The following DLG2 variants were observed in gnomAD, a reference collection of about 807,000 sequenced individuals.
DLG2 encodes disks large homolog 2.
A neutral mutation model predicts 132.5 loss-of-function variants in DLG2; 45 were observed. That is an observed-to-expected ratio of 0.34 (90% CI 0.27 to 0.44). DLG2 has a LOEUF of 0.44. DLG2 is among the 20% of genes least tolerant of loss of function. DLG2 has a pLI of 1.00. For synonymous variants in DLG2, 424 were observed against 419.6 expected (o/e 1.01, Z -0.13); for missense variants, 1,045 against 1,196.9 (o/e 0.87, Z 1.87).
intron 6 of DLG2, among the ~76,000 whole-genome samples, chr11:84,765,712 A>T (rs1378788376): frequency 6.6e-6 from 1 of 152,066 alleles, no homozygotes; most frequent in African/African-American, 2.4e-5. Flanking sequence ...CCTACTACTG[A>T]AAAATAAATG....
At chr11:85,349,825 G>C (rs1412699872) in intron 3 of DLG2, among the ~76,000 whole-genome samples, 1 of 152,108 alleles carries the variant, frequency 6.6e-6, no homozygotes, top group Non-Finnish European at 1.5e-5. Flanking sequence ...TGGACATTTT[G>C]GTTGGTTCCA....
intron 18 of DLG2, among the ~76,000 whole-genome samples, chr11:83,654,825 C>A (rs1354295282): frequency 6.6e-6 from 1 of 152,194 alleles, no homozygotes; most frequent in Non-Finnish European, 1.5e-5. Context: ...TTAACATATT[C>A]ATTAGAAGAT....
intron 15 of DLG2, among the ~76,000 whole-genome samples, chr11:83,874,868 A>G (rs893017105): frequency 2.6e-5 from 4 of 152,306 alleles, no homozygotes; most frequent in Non-Finnish European, 5.9e-5. Flanking sequence ...AATATGTATT[A>G]TTCAAAAGTA....
At chr11:84,200,881 C>CT (rs1478641945) in intron 8 of DLG2, among the ~76,000 whole-genome samples, 9 of 152,038 alleles carry the variant, frequency 5.9e-5, no homozygotes, top group Non-Finnish European at 1.0e-4. Context: ...TATAGGTTCA[C>CT]TTTTTTTGCA....
intron 7 of DLG2, among the ~76,000 whole-genome samples, chr11:84,364,798 T>C (rs1292573030): frequency 6.6e-6 from 1 of 152,220 alleles, no homozygotes; most frequent in Non-Finnish European, 1.5e-5. Context: ...GTTCCGTTTA[T>C]ATGCTGGATT....
rs988585284 is a variant in DLG2, at chr11:84,803,637, C to A, written c.358-268906G>T. Among the ~76,000 whole-genome samples the A allele has an allele frequency of 3.3e-5, 5 of 152,272 alleles. No individual in the cohort carries two copies. In the East Asian group the frequency reaches 9.6e-4, roughly 29 times the overall value. On this transcript the variant is annotated intron_variant, in intron 6 of 27. Coordinates refer to ENST00000376104, the MANE Select transcript of DLG2 (RefSeq NM_001142699.3). ...CTATGATTCCAATAGAAAGCAAAAG[C>A]TTGCCTTTTTGAGGATATAAATGTG... is the stretch of plus-strand genomic sequence containing the variant.
chr11:85,408,859 G>A (rs951275628), intron 3 of DLG2, among the ~76,000 whole-genome samples: 1 of 151,750 alleles, frequency 6.6e-6, no homozygotes, highest in Admixed American at 6.6e-5. Context: ...ATAAACATAC[G>A]TGTGCATGTG....
intron 10 of DLG2, among the ~76,000 whole-genome samples, chr11:84,094,433 A>T: frequency 6.6e-6 from 1 of 152,080 alleles, no homozygotes; most frequent in African/African-American, 2.4e-5. Flanking sequence ...CCATCACCTT[A>T]TTTCTGTGGA....
At chr11:83,518,235 C>T (rs951051283) in intron 21 of DLG2, among the ~76,000 whole-genome samples, 2 of 152,232 alleles carry the variant, frequency 1.3e-5, no homozygotes, top group African/African-American at 2.4e-5. Context: ...AGCCCCTCCC[C>T]CAGCCTTGCT....
chr11:84,895,253 G>C (rs1376452857), intron 6 of DLG2, among the ~76,000 whole-genome samples: 1 of 151,992 alleles, frequency 6.6e-6, no homozygotes, highest in Admixed American at 6.6e-5. Flanking sequence ...AAGAAGAAAA[G>C]ATATTAGTGG....
At chr11:84,485,025 C>T (rs983059938) in intron 7 of DLG2, among the ~76,000 whole-genome samples, 1 of 152,110 alleles carries the variant, frequency 6.6e-6, no homozygotes, top group Non-Finnish European at 1.5e-5. Context: ...AAATTTAATC[C>T]ATCCTCAATT....
chr11:83,506,614 G>A (rs534821051), intron 21 of DLG2, among the ~76,000 whole-genome samples: 1 of 152,152 alleles, frequency 6.6e-6, no homozygotes, highest in Non-Finnish European at 1.5e-5. Flanking sequence ...GCAGCACAGG[G>A]TTTATCTCCT....
At chr11:84,858,414 G>C (rs1599948446) in intron 6 of DLG2, among the ~76,000 whole-genome samples, 1 of 152,058 alleles carries the variant, frequency 6.6e-6, no homozygotes, top group African/African-American at 2.4e-5. Flanking sequence ...GGTAGAGTGA[G>C]ATTTTCTTTC....
chr11:84,111,321 T>C (rs1023613622), intron 9 of DLG2, among the ~76,000 whole-genome samples: 6 of 152,196 alleles, frequency 3.9e-5, no homozygotes, highest in African/African-American at 1.4e-4. Context: ...TCATGTTTTC[T>C]CCAACTGCTT....
rs188324200 is a variant in DLG2, at chr11:85,446,093, C to T, written c.40+152564G>A. On this transcript the variant is annotated intron_variant, in intron 3 of 27. Transcript: ENST00000376104. ...AAAGAGCAAATTTTACCTTACAAAC[C>T]ATCAGACCCTAAATTAATCTACCTG... is the stretch of plus-strand genomic sequence containing the variant. Among the ~76,000 whole-genome samples, 4 of 152,304 alleles carry T rather than the reference C, an allele frequency of 2.6e-5. No homozygotes were observed. In the East Asian group the frequency reaches 7.7e-4, roughly 29 times the overall value.
At chr11:84,744,068 G>C (rs545670503) in intron 6 of DLG2, among the ~76,000 whole-genome samples, 1 of 152,132 alleles carries the variant, frequency 6.6e-6, no homozygotes, top group African/African-American at 2.4e-5. Flanking sequence ...TTCTCTCTGG[G>C]AGGTGAAGAA....
At chr11:85,296,232 G>A (rs901221931) in intron 3 of DLG2, among the ~76,000 whole-genome samples, 2 of 152,054 alleles carry the variant, frequency 1.3e-5, no homozygotes, top group Middle Eastern at 3.2e-3. Flanking sequence ...TTAATATTCT[G>A]TTTAATGGTG....
intron 6 of DLG2, among the ~76,000 whole-genome samples, chr11:84,841,303 G>A (rs552740168): frequency 6.6e-6 from 1 of 151,876 alleles, no homozygotes; most frequent in Non-Finnish European, 1.5e-5. Flanking sequence ...TTTGTTTCCC[G>A]AAAGTTGGGT....
chr11:83,996,534 C>T (rs2094035031), intron 11 of DLG2, among the ~76,000 whole-genome samples: 1 of 152,164 alleles, frequency 6.6e-6, no homozygotes, highest in Admixed American at 6.5e-5. Context: ...TATTGCAGCA[C>T]TATTTACAAT....
Sources: allele counts gnomAD v4.1 joint callset (sites outside exome capture counted in the v4.1 genomes callset), GRCh38; gene constraint gnomAD v4.1.1; transcripts MANE v1.5; gene names NCBI Gene and HGNC (gene_info 2026-07-23, HGNC 2026-07-21).